Variants in HCRTR2 observed in about 807,000 individuals in gnomAD.
HCRTR2 encodes hypocretin receptor 2.
Under a neutral mutation model 49.0 loss-of-function variants are expected in HCRTR2, and 22 were observed. That is an observed-to-expected ratio of 0.45 (90% CI 0.32 to 0.64). The LOEUF (loss-of-function observed/expected upper bound fraction) is 0.64, where lower values mean the gene tolerates loss of function less well. Among genes scored for constraint, HCRTR2 ranks in the 30% least tolerant of loss-of-function variants. The pLI, the probability that HCRTR2 is intolerant of heterozygous loss-of-function variation, is 0.04. For synonymous variants in HCRTR2, 236 were observed against 205.3 expected, an observed-to-expected ratio of 1.15 and a Z score of -1.28; for missense variants, 491 against 559.4, an observed-to-expected ratio of 0.88 and a Z score of 1.23.
chr6:55,226,060 C>T (rs147980546), intron 1 of HCRTR2, among the ~76,000 whole-genome samples: 133 of 152,322 alleles, frequency 8.7e-4, no homozygotes, highest in African/African-American at 3.2e-3. Flanking sequence ...AGGTCAGAAA[C>T]ATCCAATTGC....
At chr6:55,255,824 C>G (rs1375926926) in intron 3 of HCRTR2, among the ~76,000 whole-genome samples, 1 of 152,106 alleles carries the variant, frequency 6.6e-6, no homozygotes, top group Non-Finnish European at 1.5e-5. Flanking sequence ...AAGACCATGT[C>G]CTGGATCACA....
intron 1 of HCRTR2, among the ~76,000 whole-genome samples, chr6:55,110,304 CACA>C (rs913663294): frequency 1.3e-5 from 2 of 151,714 alleles, no homozygotes; most frequent in African/African-American, 2.4e-5. Flanking sequence ...AAAACAATAA[CACA>C]ACAACAACAA....
chr6:55,199,493 T>C (rs185395996), intron 1 of HCRTR2, among the ~76,000 whole-genome samples: 1 of 152,150 alleles, frequency 6.6e-6, no homozygotes, highest in Non-Finnish European at 1.5e-5. Context: ...ACTGCAAAGT[T>C]ATCTCCTTTC....
chr6:55,188,052 G>A (rs1765255422), intron 1 of HCRTR2, among the ~76,000 whole-genome samples: 1 of 152,168 alleles, frequency 6.6e-6, no homozygotes, highest in Non-Finnish European at 1.5e-5. Context: ...AAAGTGCTGG[G>A]ATTACAGGCA....
At chr6:55,167,710 G>A (rs182278172) in intron 1 of HCRTR2, among the ~76,000 whole-genome samples, 2 of 152,202 alleles carry the variant, frequency 1.3e-5, no homozygotes, top group East Asian at 3.9e-4. Context: ...AGCACCCGAC[G>A]ATAATGGATA....
chr6:55,251,852 A>G (rs1766557358), intron 2 of HCRTR2, among the ~76,000 whole-genome samples: 1 of 152,002 alleles, frequency 6.6e-6, no homozygotes. Flanking sequence ...AGGCAGAAGA[A>G]AGTTCCCATT....
At chr6:55,111,035 A>C (rs1162426295) in intron 1 of HCRTR2, among the ~76,000 whole-genome samples, 1 of 152,164 alleles carries the variant, frequency 6.6e-6, no homozygotes, top group Admixed American at 6.6e-5. Flanking sequence ...CGTTCAGACC[A>C]GAGTGGAATA....
At chr6:55,125,779 T>C (rs749652601) in intron 1 of HCRTR2, among the ~76,000 whole-genome samples, 25 of 151,996 alleles carry the variant, frequency 1.6e-4, no homozygotes, top group Non-Finnish European at 3.5e-4. Context: ...TCTTTTCACA[T>C]AGTCCCATAT....
At chr6:55,129,827 T>A (rs1764330001) in intron 1 of HCRTR2, among the ~76,000 whole-genome samples, 4 of 152,040 alleles carry the variant, frequency 2.6e-5, no homozygotes, top group African/African-American at 7.2e-5. Flanking sequence ...ATTTCACTTT[T>A]CCTGCAAGAT....
chr6:55,136,379 A>G (rs1387859957), intron 1 of HCRTR2, among the ~76,000 whole-genome samples: 2 of 152,196 alleles, frequency 1.3e-5, no homozygotes, highest in African/African-American at 4.8e-5. Flanking sequence ...CATCCTGTTC[A>G]CATACACACT....
At chr6:55,229,227 C>T (rs992447804) in intron 1 of HCRTR2, among the ~76,000 whole-genome samples, 5 of 152,118 alleles carry the variant, frequency 3.3e-5, no homozygotes, top group African/African-American at 9.7e-5. Context: ...ATGTGTCTTG[C>T]TATGTTGTCC....
chr6:55,259,149 A>C lies in HCRTR2; in HGVS notation c.646+3770A>C, dbSNP rs150258267. On this transcript the variant is annotated intron_variant, in intron 3 of 6. Transcript: ENST00000370862. Reference sequence around the variant, plus strand: ...GTTTAATTAGCATGTACCCTTGGTCAATTGTTCTGGACACTGGAGATTAGT... The same window carrying C: ...GTTTAATTAGCATGTACCCTTGGTCCATTGTTCTGGACACTGGAGATTAGT... Among the ~76,000 whole-genome samples, 386 of 152,182 alleles carry C rather than the reference A, an allele frequency of 2.5e-3. 1 individual carries two copies. The highest frequency in any genetic ancestry group is 8.9e-3 in the African/African-American group (370 of 41,508).
intron 1 of HCRTR2, among the ~76,000 whole-genome samples, chr6:55,128,806 A>C (rs568955660): frequency 1.3e-5 from 2 of 152,156 alleles, no homozygotes; most frequent in Non-Finnish European, 2.9e-5. Flanking sequence ...CCACTGTAGC[A>C]CACTAGTATT....
At chr6:55,258,171 C>G (rs1041661732) in intron 3 of HCRTR2, among the ~76,000 whole-genome samples, 4 of 151,976 alleles carry the variant, frequency 2.6e-5, no homozygotes, top group African/African-American at 9.7e-5. Context: ...TTTTTAAAGG[C>G]CAACTGTCAT....
At chr6:55,246,129 GA>G (rs1285547340) in intron 1 of HCRTR2, among the ~76,000 whole-genome samples, 3 of 152,026 alleles carry the variant, frequency 2.0e-5, no homozygotes, top group African/African-American at 7.2e-5. Flanking sequence ...AAGAGACTAA[GA>G]AGAACTTTAC....
chr6:55,198,143 C>A (rs1167852110), intron 1 of HCRTR2, among the ~76,000 whole-genome samples: 7 of 152,114 alleles, frequency 4.6e-5, no homozygotes, highest in Admixed American at 2.0e-4. Flanking sequence ...ACTAATGTAA[C>A]CCTAAGCCCA....
chr6:55,199,457 T>C (rs1208341102), intron 1 of HCRTR2, among the ~76,000 whole-genome samples: 1 of 152,294 alleles, frequency 6.6e-6, no homozygotes, highest in East Asian at 1.9e-4. Flanking sequence ...GTTTTCTTTC[T>C]AATTCATTAA....
intron 5 of HCRTR2, among the ~76,000 whole-genome samples, chr6:55,279,116 G>A (rs952468074): frequency 7.9e-5 from 12 of 151,584 alleles, no homozygotes; most frequent in Non-Finnish European, 1.8e-4. Context: ...TCAAGTTTTG[G>A]GGCATTCTAC....
rs528979182 is a variant in HCRTR2 at position 55,189,977 on chromosome 6, G to A, written c.223+15167G>A. ...ACGTGCAGTTGTCCAGCAGAAATCA[G>A]GGCTTGTTCCCCAACATGCTATTCA... On this transcript the variant is annotated intron_variant, in intron 1 of 6. Transcript: ENST00000370862. Among the ~76,000 whole-genome samples the A allele has an allele frequency of 5.9e-5, 9 of 152,222 alleles. No individual in the cohort carries two copies. The South Asian group carries it at 1.2e-3, about 21-fold the overall frequency.
Sources: allele counts gnomAD v4.1 joint callset (sites outside exome capture counted in the v4.1 genomes callset), GRCh38; gene constraint gnomAD v4.1.1; transcripts MANE v1.5; gene names NCBI Gene and HGNC (gene_info 2026-07-23, HGNC 2026-07-21).